STK24: variants seen among roughly 807,000 people sequenced by gnomAD.
STK24 encodes the protein serine/threonine kinase 24.
Under a neutral mutation model 55.6 loss-of-function variants are expected in STK24, and 21 were observed. That is an observed-to-expected ratio of 0.38 (90% confidence interval 0.27 to 0.54). STK24 has a LOEUF of 0.54. Ranked by LOEUF, STK24 falls within the 20% of genes least tolerant of loss-of-function variation. The pLI is 0.79. For missense variants in STK24, 383 were observed against 538.4 expected, an observed-to-expected ratio of 0.71 and a Z score of 2.86; for synonymous variants, 200 against 215.2, an observed-to-expected ratio of 0.93 and a Z score of 0.62.
rs1324381932 is a variant in STK24 at position 98,446,066 on chromosome 13, C to T, written c.*7107G>A. The T allele has an allele frequency of 3.4e-6, 5 of 1,484,424 alleles. No homozygotes were observed. Among genetic ancestry groups the T allele is most frequent in the Non-Finnish European group, 4.7e-6 (5 of 1,062,408 alleles). The allele number at this position is 1,484,424 out of a possible 1,614,324, so 92.0% of individuals were successfully genotyped here. On this transcript the variant is annotated 3_prime_UTR_variant, in exon 11 of 11. Transcript: ENST00000539966. The stretch of plus-strand genomic sequence containing the variant: ...TGTGCCCTCCTGGGGCAGGTGCCCG[C>T]TGTGCTTCTCACAGGCCTCCTTGCC...
intron 1 of STK24, among the ~76,000 whole-genome samples, chr13:98,573,689 C>G (rs1454741793): frequency 6.6e-6 from 1 of 152,202 alleles, no homozygotes; most frequent in African/African-American, 2.4e-5. Flanking sequence ...GCCAATCTAA[C>G]TAGCAATGAG....
intron 3 of STK24, 38 bp from the exon 4 acceptor site, chr13:98,475,396 ATTATC>A: frequency 7.0e-7 from 1 of 1,422,752 alleles, no homozygotes. Context: ...TACTTAAATG[ATTATC>A]TTATGAAAAG....
At chr13:98,512,089 T>C (rs529250172) in intron 2 of STK24, among the ~76,000 whole-genome samples, 4 of 152,208 alleles carry the variant, frequency 2.6e-5, no homozygotes, top group East Asian at 3.9e-4. Context: ...GGTTTCCCCA[T>C]GTTGGCCAGG....
chr13:98,527,102 G>A (rs1482871862), intron 1 of STK24, among the ~76,000 whole-genome samples: 2 of 152,192 alleles, frequency 1.3e-5, no homozygotes, highest in Non-Finnish European at 2.9e-5. Flanking sequence ...TCCATTTTGT[G>A]TAGATGTGGG....
chr13:98,462,548 C>A (rs1397819142), intron 7 of STK24, among the ~76,000 whole-genome samples: 1 of 152,092 alleles, frequency 6.6e-6, no homozygotes, highest in Non-Finnish European at 1.5e-5. Flanking sequence ...CTCGGCCATA[C>A]CTCTCCCCTC....
At chr13:98,517,492 G>A (rs535913430) in intron 2 of STK24, among the ~76,000 whole-genome samples, 1 of 152,210 alleles carries the variant, frequency 6.6e-6, no homozygotes, top group Admixed American at 6.5e-5. Flanking sequence ...CGGGCACGGT[G>A]GTTGGTGAGC....
rs545238947 is a variant in STK24, at chr13:98,493,685, A to G, written c.274-11364T>C. Among the ~76,000 whole-genome samples, 196 of 152,256 alleles carry G rather than the reference A, an allele frequency of 1.3e-3. 3 individuals are homozygous for G. The South Asian group carries it at 0.016, about 12-fold the overall frequency. On this transcript the variant is annotated intron_variant, in intron 2 of 10. Transcript: ENST00000539966. ...ATGACAATCTTAATGTCAATATGTA[A>G]CATGTTACAAATATCAATGAAAACC...
chr13:98,488,723 C>T (rs76436694), intron 2 of STK24, among the ~76,000 whole-genome samples: 2,825 of 152,164 alleles, frequency 0.019, 54 homozygotes, highest in South Asian at 0.083. Context: ...CCTAAGAACC[C>T]GGAATCATTG....
Position 98,474,802 on chromosome 13 carries a change from G to A in STK24, c.597+19C>T, listed in dbSNP as rs1566354940. 10 of 1,598,038 alleles carry A rather than the reference G, an allele frequency of 6.3e-6. No individual in the cohort carries two copies. In the East Asian group the frequency reaches 9.0e-5, roughly 14 times the overall value. Reference sequence around the variant, plus strand: ...TCCAGGCCTCGTGAGGCACGGCGCCGCCCTCACCCTCCCCTCACCTTCGAG... The same window carrying A: ...TCCAGGCCTCGTGAGGCACGGCGCCACCCTCACCCTCCCCTCACCTTCGAG... On this transcript the variant is annotated intron_variant, in intron 5 of 10. Transcript: ENST00000539966.
chr13:98,525,104 C>T (rs887765896), intron 1 of STK24, among the ~76,000 whole-genome samples: 23 of 152,378 alleles, frequency 1.5e-4, no homozygotes, highest in African/African-American at 5.3e-4. Context: ...ATACTGTGTC[C>T]CCCATGGCCA....
intron 2 of STK24, among the ~76,000 whole-genome samples, chr13:98,487,969 TTTATTA>T (rs765295514): frequency 1.3e-5 from 2 of 151,996 alleles, no homozygotes; most frequent in African/African-American, 4.8e-5. Context: ...CAAGTTTTAT[TTTATTA>T]TTATTTTTTG....
At chr13:98,468,960 A>G (rs1319785214) in intron 5 of STK24, among the ~76,000 whole-genome samples, 2 of 152,180 alleles carry the variant, frequency 1.3e-5, no homozygotes, top group Non-Finnish European at 2.9e-5. Flanking sequence ...GCACCTCTCA[A>G]CCAGCTAAAC....
intron 1 of STK24, among the ~76,000 whole-genome samples, chr13:98,566,903 A>G (rs1044666076): frequency 2.0e-5 from 3 of 152,240 alleles, no homozygotes; most frequent in African/African-American, 7.2e-5. Context: ...CTTCATCTGG[A>G]GTTCAAGTGG....
intron 1 of STK24, among the ~76,000 whole-genome samples, chr13:98,559,859 A>AG (rs1897375168): frequency 6.6e-6 from 1 of 152,052 alleles, no homozygotes; most frequent in Non-Finnish European, 1.5e-5. Context: ...AAAAAAAAAA[A>AG]AGCCAGGCAC....
At chr13:98,481,657 C>T (rs1894585204) in intron 3 of STK24, among the ~76,000 whole-genome samples, 2 of 152,222 alleles carry the variant, frequency 1.3e-5, no homozygotes, top group Non-Finnish European at 2.9e-5. Flanking sequence ...AGCTACCCAG[C>T]TGTTCTCAGT....
At chr13:98,518,089 C>T (rs1896129281) in intron 2 of STK24, among the ~76,000 whole-genome samples, 1 of 152,190 alleles carries the variant, frequency 6.6e-6, no homozygotes, top group South Asian at 2.1e-4. Flanking sequence ...TCCTGTGACA[C>T]CTGACTCCAA....
At chr13:98,547,671 C>G (rs1341335468) in intron 1 of STK24, among the ~76,000 whole-genome samples, 1 of 152,184 alleles carries the variant, frequency 6.6e-6, no homozygotes, top group Non-Finnish European at 1.5e-5. Context: ...ACGCCATGGG[C>G]TGGGGAGGCA....
chr13:98,481,964 G>A (rs1173160518), intron 3 of STK24, among the ~76,000 whole-genome samples: 1 of 151,964 alleles, frequency 6.6e-6, no homozygotes, highest in African/African-American at 2.4e-5. Flanking sequence ...TTACTTGGAA[G>A]GCTGAGGCAC....
chr13:98,528,555 TACAAC>T (rs913499271), intron 1 of STK24, among the ~76,000 whole-genome samples: 1 of 152,162 alleles, frequency 6.6e-6, no homozygotes, highest in African/African-American at 2.4e-5. Context: ...CATTCCACAA[TACAAC>T]ACAACACTTT....
Sources: allele counts gnomAD v4.1 joint callset (sites outside exome capture counted in the v4.1 genomes callset), GRCh38; gene constraint gnomAD v4.1.1; transcripts MANE v1.5; gene names NCBI Gene and HGNC (gene_info 2026-07-23, HGNC 2026-07-21).